PUS7: variants seen among roughly 807,000 people sequenced by gnomAD.
PUS7 encodes the protein pseudouridine synthase 7.
PUS7 carries 48 observed loss-of-function variants against 79.8 expected under a neutral mutation model. The observed-to-expected ratio is 0.60, with a 90% CI of 0.48 to 0.76. The LOEUF (loss-of-function observed/expected upper bound fraction) is 0.76. Ranked by LOEUF, PUS7 falls within the 30% of genes least tolerant of loss-of-function variation. The pLI is 0.00. For synonymous variants in PUS7, 286 were observed against 272.2 expected (o/e 1.05, Z -0.50); for missense variants, 729 against 797.6 (o/e 0.91, Z 1.04).
At chr7:105,518,445 C>T (rs949051175) in intron 1 of PUS7, among the ~76,000 whole-genome samples, 2 of 152,100 alleles carry the variant, frequency 1.3e-5, no homozygotes, top group African/African-American at 4.8e-5. Flanking sequence ...CTCTGTCACC[C>T]AGGCTGGAGT....
In PUS7 at chr7:105,481,172, A is replaced by C; in HGVS notation, c.1055T>G (p.Ile352Arg). 4 of 1,607,262 alleles carry C rather than the reference A, an allele frequency of 2.5e-6. No homozygotes were observed. The highest frequency in any genetic ancestry group is 3.4e-6 in the Non-Finnish European group (4 of 1,177,364). Residue 352 changes from isoleucine to arginine, a missense_variant, in exon 9 of 16, where the codon ATA becomes AGA. Physicochemically the swap from Ile to Arg is moderately conservative, Grantham distance 97. Transcript: ENST00000469408. ...GNHFTVVLRN[I>R]TGTDDQVQQA... ...CTGTACTTGGTCATCAGTTCCTGTT[A>C]TATTTCTACAGGGACACAAATTATC...
intron 12 of PUS7, among the ~76,000 whole-genome samples, chr7:105,467,810 C>T (rs1823719488): frequency 6.6e-6 from 1 of 151,780 alleles, no homozygotes; most frequent in African/African-American, 2.4e-5. Flanking sequence ...AGGCGGATCA[C>T]CCGAGGTGGG....
At chr7:105,472,784 C>T (rs1329264374) in intron 9 of PUS7, among the ~76,000 whole-genome samples, 3 of 151,874 alleles carry the variant, frequency 2.0e-5, no homozygotes, top group Admixed American at 1.3e-4. Context: ...AGTGGAGTTT[C>T]GCTCTGTTGC....
chr7:105,482,631 T>C (rs1350253478), intron 7 of PUS7, among the ~76,000 whole-genome samples, 191 bp from the exon 8 acceptor site: 1 of 152,160 alleles, frequency 6.6e-6, no homozygotes, highest in Non-Finnish European at 1.5e-5. Context: ...TTCAGTGTAA[T>C]GGTACGTGCT....
chr7:105,515,173 G>A (rs1055393369), intron 1 of PUS7, among the ~76,000 whole-genome samples: 5 of 152,088 alleles, frequency 3.3e-5, no homozygotes, highest in East Asian at 3.8e-4. Flanking sequence ...TGCTTAAACC[G>A]TATGACAGAA....
intron 1 of PUS7, among the ~76,000 whole-genome samples, 196 bp downstream of exon 1, chr7:105,521,856 G>C (rs2133320666): frequency 6.6e-6 from 1 of 151,542 alleles, no homozygotes; most frequent in Admixed American, 6.6e-5. Flanking sequence ...CGAAGCGCAG[G>C]ACCCACTGGG....
At chr7:105,509,575 A>G (rs1392395917) in intron 1 of PUS7, among the ~76,000 whole-genome samples, 2 of 152,074 alleles carry the variant, frequency 1.3e-5, no homozygotes, top group African/African-American at 4.8e-5. Flanking sequence ...GGCTCAAGCA[A>G]TCCTCCTGCC....
chr7:105,506,528 T>C (rs1176983119), intron 2 of PUS7, among the ~76,000 whole-genome samples: 4 of 151,948 alleles, frequency 2.6e-5, no homozygotes, highest in Non-Finnish European at 5.9e-5. Context: ...GTCCAAGTGA[T>C]TCTCCCGCCT....
intron 7 of PUS7, among the ~76,000 whole-genome samples, chr7:105,484,513 A>T (rs1442984181): frequency 7.4e-5 from 10 of 135,566 alleles, no homozygotes; most frequent in African/African-American, 3.1e-4. Context: ...TTTTTCTTAA[A>T]AAAAAAAAAA....
At chr7:105,477,377 A>G (rs933896751) in intron 9 of PUS7, among the ~76,000 whole-genome samples, 2 of 151,992 alleles carry the variant, frequency 1.3e-5, no homozygotes, top group African/African-American at 4.8e-5. Flanking sequence ...CCTCCCGAGT[A>G]GCTGGGATTA....
chr7:105,472,084 C>T (rs1823897436), intron 10 of PUS7, 48 bp downstream of exon 10: 1 of 1,212,456 alleles, frequency 8.2e-7, no homozygotes, highest in Non-Finnish European at 1.2e-6. Flanking sequence ...TTCATGAATA[C>T]CTAGCCATAC....
intron 7 of PUS7, among the ~76,000 whole-genome samples, chr7:105,489,036 T>C (rs984181965): frequency 2.0e-5 from 3 of 150,138 alleles, no homozygotes; most frequent in Non-Finnish European, 2.9e-5. Context: ...TAGTCCCAGC[T>C]ACTCAGGACG....
At chr7:105,520,807 G>A (rs1826080571) in intron 1 of PUS7, among the ~76,000 whole-genome samples, 1 of 152,110 alleles carries the variant, frequency 6.6e-6, no homozygotes, top group African/African-American at 2.4e-5. Context: ...GGAGGTCAAA[G>A]CAGGAGGATT....
chr7:105,510,829 T>C (rs770373716), intron 1 of PUS7, among the ~76,000 whole-genome samples: 3 of 152,152 alleles, frequency 2.0e-5, no homozygotes, highest in Non-Finnish European at 2.9e-5. Flanking sequence ...TTGATGCTCT[T>C]GGTAAAATAA....
At chr7:105,516,912 C>A (rs896566457) in intron 1 of PUS7, among the ~76,000 whole-genome samples, 1 of 151,956 alleles carries the variant, frequency 6.6e-6, no homozygotes, top group Non-Finnish European at 1.5e-5. Context: ...CAGGAAAGCC[C>A]AAGCATTCTA....
At chr7:105,496,216 T>TAGAGAGAG (rs1335946389) in intron 5 of PUS7, among the ~76,000 whole-genome samples, 44 of 76,708 alleles carry the variant, frequency 5.7e-4, no homozygotes, top group South Asian at 1.1e-3. Flanking sequence ...TATATATATA[T>TAGAGAGAG]ATATATATAT....
chr7:105,471,220 ATGAATTACCCAAAG>A (rs1823861556), intron 10 of PUS7, among the ~76,000 whole-genome samples: 1 of 152,174 alleles, frequency 6.6e-6, no homozygotes, highest in Admixed American at 6.5e-5. Context: ...TAGTCTGCAA[ATGAATTACCCAAAG>A]TGAGCACAAT....
chr7:105,493,410 G>C (rs1303364746), intron 6 of PUS7, among the ~76,000 whole-genome samples: 1 of 152,206 alleles, frequency 6.6e-6, no homozygotes. Context: ...TTCCTGTCAA[G>C]AATCGTCTGT....
intron 7 of PUS7, among the ~76,000 whole-genome samples, chr7:105,490,463 T>C (rs1824736616): frequency 6.6e-6 from 1 of 152,122 alleles, no homozygotes; most frequent in Admixed American, 6.6e-5. Flanking sequence ...CAGACCCTTA[T>C]TCTCCCTCCC....
Sources: allele counts gnomAD v4.1 joint callset (sites outside exome capture counted in the v4.1 genomes callset), GRCh38; gene constraint gnomAD v4.1.1; transcripts MANE v1.5; gene names NCBI Gene and HGNC (gene_info 2026-07-23, HGNC 2026-07-21).